GAB4: variants seen among roughly 807,000 people sequenced by gnomAD.
GAB4 encodes the protein GRB2-associated-binding protein 4.
In GAB4, 26 loss-of-function variants were observed where a neutral mutation model predicts 51.3. The ratio of observed to expected loss-of-function variants is 0.51; its 90% confidence interval spans 0.37 to 0.70. GAB4 has a LOEUF of 0.70. Among genes scored for constraint, GAB4 ranks in the 30% least tolerant of loss-of-function variants. The pLI is 0.00. For synonymous variants in GAB4, 329 were observed against 291.2 expected (o/e 1.13, Z -1.32); for missense variants, 759 against 734.6 (o/e 1.03, Z -0.38).
In GAB4 at chr22:16,966,321, T is replaced by C. The variant is rs761530013; in HGVS notation, c.1067A>G (p.Glu356Gly). 1 of 1,613,600 alleles carries C rather than the reference T, an allele frequency of 6.2e-7. No homozygotes were observed. Among genetic ancestry groups the C allele is most frequent in the Non-Finnish European group, 8.5e-7 (1 of 1,179,916 alleles). The change falls in exon 6 of 10, where the codon GAG becomes GGG. Residue 356 changes from glutamate to glycine, a missense_variant. Physicochemically the swap from Glu to Gly is moderately conservative, Grantham distance 98. Coordinates refer to ENST00000400588, the MANE Select transcript of GAB4 (RefSeq NM_001037814.1). ...TGGGTTCATGGGCACACAGCTGCCCTCAGAAGCAATGCTGTCTGACAGGCC... is the reference window on the plus strand; with the variant it reads ...TGGGTTCATGGGCACACAGCTGCCCCCAGAAGCAATGCTGTCTGACAGGCC... ...LVGLSDSIAS[E>G]GSCVPMNPGS...
intron 1 of GAB4, among the ~76,000 whole-genome samples, chr22:17,000,177 T>C (rs1386413670): frequency 3.3e-5 from 5 of 152,218 alleles, no homozygotes; most frequent in Non-Finnish European, 7.3e-5. Flanking sequence ...TAGAGCTGAG[T>C]TCAATTCCTG....
At chr22:16,978,957 A>T (rs891931294) in intron 3 of GAB4, among the ~76,000 whole-genome samples, 11 of 152,168 alleles carry the variant, frequency 7.2e-5, no homozygotes, top group Non-Finnish European at 1.3e-4. Context: ...TAGATGCAGA[A>T]AAGGCCTTCA....
chr22:16,992,304 C>T, intron 1 of GAB4, 128 bp from the exon 2 acceptor site: 1 of 790,076 alleles, frequency 1.3e-6, no homozygotes, highest in Non-Finnish European at 2.0e-6. Context: ...TTTCGGATTT[C>T]CCCAGTTTCA....
Position 16,991,915 on chromosome 22 carries a change from T to C in GAB4, c.436A>G (p.Ser146Gly), listed in dbSNP as rs1382069229. The C allele has an allele frequency of 6.2e-7, 1 of 1,614,116 alleles. No homozygotes were observed. Among genetic ancestry groups the C allele is most frequent in the Admixed American group, 1.7e-5 (1 of 60,030 alleles). The change falls in exon 2 of 10, where the codon AGC (serine) becomes GGC (glycine). Residue 146 changes from serine (S) to glycine (G), a missense_variant. Around this residue, in one of 3 missense-constraint regions of GAB4, gnomAD observed 88 missense variants for 151.3 expected, o/e 0.58. Coordinates refer to ENST00000400588, the MANE Select transcript of GAB4 (RefSeq NM_001037814.1). ...CTGAAGCCACAGATCTGACAGATGC[T>C]CTGGACCCACTCATTCATGTCCTCC... ...TREDMNEWVQ[S>G]ICQICGFRQE...
chr22:16,973,607 G>T (rs1407851105), intron 3 of GAB4, among the ~76,000 whole-genome samples: 1 of 152,168 alleles, frequency 6.6e-6, no homozygotes, highest in Non-Finnish European at 1.5e-5. Flanking sequence ...GCATCAAAAT[G>T]TTACACCAAG....
chr22:17,002,458 G>A (rs946438805), intron 1 of GAB4, among the ~76,000 whole-genome samples: 2 of 151,982 alleles, frequency 1.3e-5, no homozygotes, highest in Non-Finnish European at 2.9e-5. Context: ...ATATGCAAAG[G>A]AAAAACTGGT....
intron 1 of GAB4, among the ~76,000 whole-genome samples, chr22:16,998,831 T>C (rs1174275250): frequency 6.6e-6 from 1 of 152,038 alleles, no homozygotes; most frequent in African/African-American, 2.4e-5. Context: ...TCTAGTTCAT[T>C]GAGAGTTTTT....
At chr22:16,984,553 A>T (rs1333008618) in intron 3 of GAB4, among the ~76,000 whole-genome samples, 1 of 152,238 alleles carries the variant, frequency 6.6e-6, no homozygotes, top group Non-Finnish European at 1.5e-5. Context: ...TGTGAATTAC[A>T]TCCTGAATGT....
intron 1 of GAB4, 122 bp from the exon 2 acceptor site, chr22:16,992,298 G>A (rs1178907874): frequency 1.4e-5 from 12 of 827,912 alleles, no homozygotes; most frequent in East Asian, 5.0e-5. Context: ...TCTCCCTTTC[G>A]GATTTCCCCA....
At chr22:16,999,082 G>T (rs528820023) in intron 1 of GAB4, among the ~76,000 whole-genome samples, 3 of 152,336 alleles carry the variant, frequency 2.0e-5, no homozygotes, top group East Asian at 1.9e-4. Context: ...GTTCATCAGG[G>T]ATATTGGTCT....
chr22:16,980,398 A>G lies in GAB4; in HGVS notation c.686+7562T>C, dbSNP rs537823516. On this transcript the variant is annotated intron_variant, in intron 3 of 9. Coordinates refer to ENST00000400588, the MANE Select transcript of GAB4 (RefSeq NM_001037814.1). ...GAAGACATTTATGCAGCCCACAAAC[A>G]TGAAAAAAAGCTCATCATCACTGGT... Among the ~76,000 whole-genome samples, 3 of 152,324 alleles carry G rather than the reference A, an allele frequency of 2.0e-5. No homozygotes were observed. The South Asian group carries it at 6.2e-4, about 32-fold the overall frequency.
chr22:16,980,768 C>T (rs1452869059), intron 3 of GAB4, among the ~76,000 whole-genome samples: 1 of 152,088 alleles, frequency 6.6e-6, no homozygotes, highest in Admixed American at 6.5e-5. Flanking sequence ...GGATGCCCCT[C>T]AATGATAGAC....
At position 17,008,138 on chromosome 22, in the gene GAB4, G is replaced by C; in HGVS notation, c.-24C>G. On this transcript the variant is annotated 5_prime_UTR_variant, in exon 1 of 10. Transcript: ENST00000400588. ...ATGGGGGCTGCAGCTCACAGTGAAG[G>C]TGGGGGAGACAGGGCGAGAGGGCGT... The C allele has an allele frequency of 6.4e-7, 1 of 1,563,514 alleles. No homozygotes were observed. Among genetic ancestry groups the C allele is most frequent in the East Asian group, 2.3e-5 (1 of 43,866 alleles).
At chr22:17,006,664 T>C (rs535224324) in intron 1 of GAB4, among the ~76,000 whole-genome samples, 65 of 152,288 alleles carry the variant, frequency 4.3e-4, no homozygotes, top group Middle Eastern at 3.4e-3. Context: ...CACTATGGAA[T>C]ATTATGCAGC....
At chr22:16,974,610 C>A (rs1409762528) in intron 3 of GAB4, among the ~76,000 whole-genome samples, 1 of 152,218 alleles carries the variant, frequency 6.6e-6, no homozygotes, top group Non-Finnish European at 1.5e-5. Context: ...CCAGAGCTCT[C>A]CCCTGACTTT....
chr22:16,970,309 G>C lies in GAB4; in HGVS notation c.687-116C>G, dbSNP rs2060720211. The C allele has an allele frequency of 4.2e-6, 5 of 1,187,382 alleles. 1 individual carries two copies. The South Asian group carries it at 5.8e-5, about 14-fold the overall frequency. The allele number at this position is 1,187,382 out of a possible 1,614,324, so 73.6% of individuals were successfully genotyped here. On this transcript the variant is annotated intron_variant, in intron 3 of 9. Coordinates refer to ENST00000400588, the MANE Select transcript of GAB4 (RefSeq NM_001037814.1). ...GTGAGATGATATGGAGAAAACACAG[G>C]AAGAGGAATTGGGCAGACCTGAGGT...
At chr22:16,966,655 G>T (rs1327162795) in intron 5 of GAB4, 15 of 386,260 alleles carry the variant, frequency 3.9e-5, no homozygotes, top group Non-Finnish European at 6.1e-5. Context: ...GTTCTTACAG[G>T]TCCTGGGAGG....
At chr22:16,998,782 T>C (rs1210245957) in intron 1 of GAB4, among the ~76,000 whole-genome samples, 2 of 152,216 alleles carry the variant, frequency 1.3e-5, no homozygotes, top group African/African-American at 2.4e-5. Context: ...GGCTGTCGGT[T>C]TGTCATAAAT....
At position 16,966,182 on chromosome 22, in the gene GAB4, C is replaced by T; in HGVS notation, c.1206G>A (p.Glu402=). 2.5e-5 allele frequency: 41 copies of T among 1,614,068 alleles called. No homozygotes were observed. The highest frequency in any genetic ancestry group is 3.4e-5 in the Non-Finnish European group (40 of 1,180,000). Residue 402 remains glutamate, a synonymous_variant, in exon 6 of 10, where the codon GAG becomes GAA. Transcript: ENST00000400588. ...RFDLLGSPLT[E]LSMHQDLSQG... is the part of the protein sequence containing the mutation. ...GGCTGAGGTCTTGGTGCATAGAAAGCTCTGTGAGTGGGGAGCCAAGCAGGT... is the reference window on the plus strand; with the variant it reads ...GGCTGAGGTCTTGGTGCATAGAAAGTTCTGTGAGTGGGGAGCCAAGCAGGT...
Sources: gnomAD v4.1 joint callset for allele counts (sites outside exome capture counted in the v4.1 genomes callset) on GRCh38, gnomAD v4.1.1 for gene constraint, gnomAD v4.1.1 regional missense constraint, MANE v1.5 for transcripts, NCBI Gene and HGNC (gene_info 2026-07-23, HGNC 2026-07-21) for gene names.